The following PCBP3 variants were observed in gnomAD, a reference collection of about 807,000 sequenced individuals.
The protein encoded by PCBP3 is poly(rC) binding protein 3.
In PCBP3, 25 loss-of-function variants were observed where a neutral mutation model predicts 52.7. The ratio of observed to expected loss-of-function variants is 0.47; its 90% CI spans 0.35 to 0.66. PCBP3 has a LOEUF of 0.66. PCBP3 is among the 30% of genes least tolerant of loss of function. The pLI is 0.01. For synonymous variants in PCBP3, 162 were observed against 183.0 expected, an observed-to-expected ratio of 0.89 and a Z score of 0.93; for missense variants, 391 against 490.3, an observed-to-expected ratio of 0.80 and a Z score of 1.91.
In PCBP3 at chr21:45,654,338, A is replaced by ATTTTTTTTT. The variant is rs398036499; in HGVS notation, c.-279+10483_-279+10491dup. Among the ~76,000 whole-genome samples, 4 of 109,416 alleles carry ATTTTTTTTT rather than the reference A, an allele frequency of 3.7e-5. 1 individual carries two copies. The highest frequency in any genetic ancestry group is 1.1e-4 in the Admixed American group (1 of 9,498). 71.8% of individuals were successfully genotyped at this position (109,416 alleles called of 152,430 possible). On this transcript the variant is annotated intron_variant, in intron 1 of 17. Transcript: ENST00000681687. ...GCAGGTCAGCTGATGTAGACATTGCATTTTTTTTTTTTTTTTTTTTTGAGA... is the reference window on the plus strand; with the variant it reads ...GCAGGTCAGCTGATGTAGACATTGCATTTTTTTTTTTTTTTTTTTTTTTTTTTTTTGAGA...
intron 4 of PCBP3, among the ~76,000 whole-genome samples, chr21:45,765,293 T>C (rs2089201565): frequency 6.6e-6 from 1 of 152,180 alleles, no homozygotes; most frequent in African/African-American, 2.4e-5. Context: ...TGGGAAACCC[T>C]TCCCACAGCA....
rs1183055750 is a variant in PCBP3 at position 45,827,748 on chromosome 21, TGA to T, written c.-125-22210_-125-22209del. Among the ~76,000 whole-genome samples, 3 of 152,210 alleles carry T rather than the reference TGA, an allele frequency of 2.0e-5. No individual in the cohort carries two copies. Among genetic ancestry groups the T allele is most frequent in the African/African-American group, 7.2e-5 (3 of 41,462 alleles). ...GGGAAGTCCAAGGACTCACTCTTCA[TGA>T]GACCTCAATTAAAAGACCCAGAAAG... On this transcript the variant is annotated intron_variant, in intron 4 of 17. Coordinates refer to ENST00000681687, the MANE Select transcript of PCBP3 (RefSeq NM_001384156.1). This position sits in a 1 kb window ranked among gnomAD's most constrained non-coding sequence, Gnocchi z 4.3.
intron 4 of PCBP3, among the ~76,000 whole-genome samples, chr21:45,779,511 C>T (rs1039188425): frequency 6.6e-6 from 1 of 152,126 alleles, no homozygotes; most frequent in East Asian, 1.9e-4. Context: ...GTAATGTATT[C>T]AGAAAGTGAC....
chr21:45,673,312 G>A (rs1052563799), intron 2 of PCBP3, among the ~76,000 whole-genome samples: 7 of 152,102 alleles, frequency 4.6e-5, no homozygotes, highest in African/African-American at 1.7e-4. Context: ...CTAAGCAGAC[G>A]TCACAAAGGT....
intron 2 of PCBP3, among the ~76,000 whole-genome samples, chr21:45,732,062 G>C (rs541576001): frequency 1.1e-4 from 17 of 152,052 alleles, no homozygotes; most frequent in Non-Finnish European, 2.5e-4. Context: ...TGCAGTTCAG[G>C]TATGTTGGAT....
rs191536112 is a variant in PCBP3 at position 45,861,607 on chromosome 21, T to C, written c.10+11512T>C. ...GAGAGTTGTCTTAATGTGGCCACCG[T>C]ATCCTCCTCCTCTTCTTCCCTGACC... On this transcript the variant is annotated intron_variant, in intron 5 of 17. Coordinates refer to ENST00000681687, the MANE Select transcript of PCBP3 (RefSeq NM_001384156.1). Among the ~76,000 whole-genome samples, 19 of 152,098 alleles carry C rather than the reference T, an allele frequency of 1.2e-4. No homozygotes were observed. In the East Asian group the frequency reaches 3.1e-3, roughly 25 times the overall value.
chr21:45,768,785 T>C (rs1392878838), intron 4 of PCBP3, among the ~76,000 whole-genome samples: 1 of 152,200 alleles, frequency 6.6e-6, no homozygotes, highest in Non-Finnish European at 1.5e-5. Context: ...CCATCTGCAG[T>C]TGGAGGCCTG....
At chr21:45,850,661 A>G (rs1247080761) in intron 5 of PCBP3, among the ~76,000 whole-genome samples, 2 of 152,234 alleles carry the variant, frequency 1.3e-5, no homozygotes, top group African/African-American at 4.8e-5. Context: ...CAAAAAATAA[A>G]CGGGAGTATT....
chr21:45,909,880 G>GCCACCCACTGCCCAGATACGGACCCGGC, intron 10 of PCBP3, among the ~76,000 whole-genome samples: 1 of 37,360 alleles, frequency 2.7e-5, no homozygotes, highest in Middle Eastern at 0.024. Context: ...TACGGACCCG[G>GCCACCCACTGCCCAGATACGGACCCGGC]CCACCCACTG....
intron 2 of PCBP3, among the ~76,000 whole-genome samples, chr21:45,716,879 G>A (rs1196908627): frequency 6.6e-6 from 1 of 152,230 alleles, no homozygotes; most frequent in Non-Finnish European, 1.5e-5. Flanking sequence ...TTTAGAATCA[G>A]CTTGTCAATT....
intron 4 of PCBP3, among the ~76,000 whole-genome samples, chr21:45,785,564 C>T (rs1237661674): frequency 1.3e-5 from 2 of 151,526 alleles, no homozygotes; most frequent in African/African-American, 4.8e-5. Flanking sequence ...TGAGGGGCGC[C>T]TCTGCCCGGC....
chr21:45,893,989 C>T, intron 5 of PCBP3: 1 of 985,572 alleles, frequency 1.0e-6, no homozygotes, highest in Non-Finnish European at 1.2e-6. Flanking sequence ...GGCAGCAAGG[C>T]CAGGGCACTT....
In PCBP3 at chr21:45,853,978, G is replaced by A. The variant is rs1020342118; in HGVS notation, c.10+3883G>A. On this transcript the variant is annotated intron_variant, in intron 5 of 17. Coordinates refer to ENST00000681687, the MANE Select transcript of PCBP3 (RefSeq NM_001384156.1). This position sits in a 1 kb window ranked among gnomAD's most constrained non-coding sequence, Gnocchi z 4.6. ...TATCCGCATCTCAGCCTCTGTGCAC[G>A]AGGCTAGGAAGAGAAGAGATTTCCA... 9.2e-5 allele frequency: 14 copies of A among 152,036 alleles called. No individual in the cohort carries two copies. Among genetic ancestry groups the A allele is most frequent in the African/African-American group, 2.4e-4 (10 of 41,378 alleles). 9.4% of individuals were successfully genotyped at this position (152,036 alleles called of 1,614,324 possible).
intron 2 of PCBP3, among the ~76,000 whole-genome samples, chr21:45,722,835 C>G (rs1486701862): frequency 1.3e-5 from 2 of 151,690 alleles, no homozygotes; most frequent in Non-Finnish European, 2.9e-5. Context: ...AACATCGTCT[C>G]TACTGAAAAT....
In PCBP3 at chr21:45,837,021, C is replaced by G. The variant is rs1209273614; in HGVS notation, c.-125-12940C>G. On this transcript the variant is annotated intron_variant, in intron 4 of 17. Transcript: ENST00000681687. The surrounding 1 kb of genome is among the most constrained non-coding windows in gnomAD (Gnocchi z 4.1). Reference sequence around the variant, plus strand: ...ATTCCTGTGTGTTTCTTTTGGTGCACACATGAGGTGTTTTTGGTTTAAGGA... The same window carrying G: ...ATTCCTGTGTGTTTCTTTTGGTGCAGACATGAGGTGTTTTTGGTTTAAGGA... Among the ~76,000 whole-genome samples, 2 of 152,156 alleles carry G rather than the reference C, an allele frequency of 1.3e-5. No homozygotes were observed. The highest frequency in any genetic ancestry group is 2.9e-5 in the Non-Finnish European group (2 of 68,040).
At chr21:45,831,408 CAAAAA>C (rs59400163) in intron 4 of PCBP3, among the ~76,000 whole-genome samples, 150 of 86,572 alleles carry the variant, frequency 1.7e-3, no homozygotes, top group South Asian at 0.016. Flanking sequence ...GATGCTGTCT[CAAAAA>C]AAAAAAAAAA....
chr21:45,905,472 T>C (rs2096178365), intron 9 of PCBP3, among the ~76,000 whole-genome samples: 1 of 152,216 alleles, frequency 6.6e-6, no homozygotes, highest in Non-Finnish European at 1.5e-5. Flanking sequence ...CAGAGGACTG[T>C]GCCGAAGGAG....
intron 6 of PCBP3, among the ~76,000 whole-genome samples, chr21:45,899,085 G>A (rs940170204): frequency 2.0e-5 from 3 of 152,246 alleles, no homozygotes; most frequent in Non-Finnish European, 2.9e-5. Context: ...TCAGCCCAGC[G>A]GGGAACGTGT....
intron 16 of PCBP3, among the ~76,000 whole-genome samples, chr21:45,936,998 CAG>C (rs1235403366): frequency 6.6e-6 from 1 of 152,216 alleles, no homozygotes; most frequent in Non-Finnish European, 1.5e-5. Context: ...ACGACACTGT[CAG>C]GGGGCTTTCA....
Sources: gnomAD v4.1 joint callset for allele counts (sites outside exome capture counted in the v4.1 genomes callset) on GRCh38, gnomAD v4.1.1 for gene constraint, Gnocchi (gnomAD v3.1) non-coding constraint, MANE v1.5 for transcripts, NCBI Gene and HGNC (gene_info 2026-07-23, HGNC 2026-07-21) for gene names.